Variants in SGK3 observed in about 807,000 individuals in gnomAD.
The protein encoded by SGK3 is serum/glucocorticoid regulated kinase family member 3, also known as serine/threonine-protein kinase Sgk3.
In SGK3, 47 loss-of-function variants were observed where a neutral mutation model predicts 68.5. The ratio of observed to expected loss-of-function variants is 0.69; its 90% confidence interval spans 0.54 to 0.87. The LOEUF (loss-of-function observed/expected upper bound fraction) is 0.87, where lower values mean the gene tolerates loss of function less well. Ranked by LOEUF, SGK3 falls within the 40% of genes least tolerant of loss-of-function variation. The probability of loss-of-function intolerance (pLI) is 0.00; values close to 1 mark genes in which losing one functional copy is unlikely to be tolerated. For missense variants in SGK3, 479 were observed against 575.5 expected (o/e 0.83, Z 1.72); for synonymous variants, 181 against 189.1 (o/e 0.96, Z 0.35).
At chr8:66,730,205 G>C (rs866849099) in intron 1 of SGK3, among the ~76,000 whole-genome samples, 14 of 152,042 alleles carry the variant, frequency 9.2e-5, no homozygotes, top group African/African-American at 3.4e-4. Context: ...TTTTCTGAAA[G>C]TCTATTGATG....
intron 1 of SGK3, among the ~76,000 whole-genome samples, chr8:66,774,279 C>G (rs1022290930): frequency 7.2e-5 from 11 of 152,068 alleles, no homozygotes; most frequent in Admixed American, 2.0e-4. Flanking sequence ...GTATGTCAAT[C>G]CTGCTTGCTG....
chr8:66,806,478 C>T (rs549499027), intron 4 of SGK3, among the ~76,000 whole-genome samples: 1 of 152,240 alleles, frequency 6.6e-6, no homozygotes, highest in Admixed American at 6.5e-5. Context: ...GGCTTTTGTA[C>T]TCCTGCTTTG....
chr8:66,831,690 C>T (rs1392685362), intron 8 of SGK3, among the ~76,000 whole-genome samples: 3 of 152,060 alleles, frequency 2.0e-5, no homozygotes, highest in Non-Finnish European at 4.4e-5. Flanking sequence ...GGAATTTATG[C>T]TTTATGTGTG....
At chr8:66,834,555 T>C (rs1809432258) in intron 8 of SGK3, among the ~76,000 whole-genome samples, 1 of 152,198 alleles carries the variant, frequency 6.6e-6, no homozygotes, top group South Asian at 2.1e-4. Flanking sequence ...TTTATTGAGC[T>C]GTAGTGATGA....
chr8:66,715,532 C>T (rs1804608441), intron 1 of SGK3, among the ~76,000 whole-genome samples: 1 of 152,242 alleles, frequency 6.6e-6, no homozygotes. Context: ...GGATTACAGG[C>T]GTGAGCCACC....
At chr8:66,842,243 T>TG (rs1554605785) in intron 13 of SGK3, among the ~76,000 whole-genome samples, 1 of 149,964 alleles carries the variant, frequency 6.7e-6, no homozygotes, top group Non-Finnish European at 1.5e-5. Context: ...TTTTTTGAGA[T>TG]GGAGTCTCGC....
At chr8:66,795,863 A>G (rs895489301) in intron 2 of SGK3, among the ~76,000 whole-genome samples, 1 of 151,948 alleles carries the variant, frequency 6.6e-6, no homozygotes, top group Admixed American at 6.6e-5. Context: ...CCCTCCTGCC[A>G]CATTTTATGT....
At chr8:66,851,451 G>A (rs889582173) in intron 16 of SGK3, among the ~76,000 whole-genome samples, 2 of 151,962 alleles carry the variant, frequency 1.3e-5, no homozygotes, top group Non-Finnish European at 2.9e-5. Flanking sequence ...AACTCAGGAG[G>A]TGGAGATTGC....
rs565241558 is a variant in SGK3, at chr8:66,770,797, T to C, written c.-121-22819T>C. 1.2e-4 allele frequency among the ~76,000 whole-genome samples: 19 copies of C among 152,350 alleles called. No homozygotes were observed. In the South Asian group the frequency reaches 1.7e-3, roughly 13 times the overall value. ...CAGGTCTCTAGGGTTCTCTGTGCAC[T>C]TAACTTCCTCTTGTATACTGTCTTG... On this transcript the variant is annotated intron_variant, in intron 1 of 16. Coordinates refer to ENST00000521198, the MANE Select transcript of SGK3 (RefSeq NM_001033578.3).
At chr8:66,740,004 A>C (rs1483996570) in intron 1 of SGK3, among the ~76,000 whole-genome samples, 2 of 152,252 alleles carry the variant, frequency 1.3e-5, no homozygotes, top group African/African-American at 2.4e-5. Flanking sequence ...CTACAATTCA[A>C]GATGAGATTT....
At chr8:66,754,566 G>T (rs1175465453) in intron 1 of SGK3, among the ~76,000 whole-genome samples, 1 of 152,144 alleles carries the variant, frequency 6.6e-6, no homozygotes, top group Non-Finnish European at 1.5e-5. Flanking sequence ...GATCTCTTGG[G>T]GATACGAATA....
chr8:66,777,537 T>A (rs1219783262), intron 1 of SGK3, among the ~76,000 whole-genome samples: 1 of 152,254 alleles, frequency 6.6e-6, no homozygotes, highest in African/African-American at 2.4e-5. Context: ...ATGTTAATTC[T>A]TTCTTCTACC....
chr8:66,853,905 T>G (rs111455788), intron 16 of SGK3, among the ~76,000 whole-genome samples: 9,862 of 152,234 alleles, frequency 0.065, 376 homozygotes, highest in African/African-American at 0.098. Flanking sequence ...AACAAGTAGT[T>G]TTTGATACTT....
intron 1 of SGK3, among the ~76,000 whole-genome samples, chr8:66,732,905 T>A (rs1208656440): frequency 1.3e-5 from 2 of 152,192 alleles, no homozygotes; most frequent in African/African-American, 2.4e-5. Flanking sequence ...ATATACACAT[T>A]GCAGTGATTT....
At chr8:66,842,222 C>G (rs151071490) in intron 13 of SGK3, among the ~76,000 whole-genome samples, 1 of 148,352 alleles carries the variant, frequency 6.7e-6, no homozygotes, top group African/African-American at 2.5e-5. Flanking sequence ...TTTTTCTTTT[C>G]CTTTTTTTTT....
intron 1 of SGK3, among the ~76,000 whole-genome samples, chr8:66,718,717 A>T (rs997791476): frequency 6.6e-6 from 1 of 151,918 alleles, no homozygotes; most frequent in African/African-American, 2.4e-5. Context: ...TAGTTGAGAC[A>T]GGGTTTCTCC....
intron 3 of SGK3, among the ~76,000 whole-genome samples, chr8:66,800,078 A>G (rs1807866593): frequency 6.6e-6 from 1 of 152,150 alleles, no homozygotes; most frequent in Admixed American, 6.5e-5. Context: ...ACGGTGGCTC[A>G]CACCTGTAAT....
chr8:66,801,683 CACCCCACAT>C, intron 3 of SGK3, among the ~76,000 whole-genome samples: 1 of 152,136 alleles, frequency 6.6e-6, no homozygotes, highest in African/African-American at 2.4e-5. Context: ...CACACACACA[CACCCCACAT>C]ACACCACATA....
intron 4 of SGK3, among the ~76,000 whole-genome samples, chr8:66,812,578 G>T (rs1326493150): frequency 6.6e-6 from 1 of 151,514 alleles, no homozygotes; most frequent in South Asian, 2.1e-4. Context: ...AAAAAAGAGG[G>T]TTTAGGATAA....
Sources: gnomAD v4.1 joint callset for allele counts (sites outside exome capture counted in the v4.1 genomes callset) on GRCh38, gnomAD v4.1.1 for gene constraint, MANE v1.5 for transcripts, NCBI Gene and HGNC (gene_info 2026-07-23, HGNC 2026-07-21) for gene names.